The following GYPE variants were observed in gnomAD, a reference collection of about 807,000 sequenced individuals.
The protein encoded by GYPE is glycophorin-E.
GYPE carries 8 observed loss-of-function variants against 11.6 expected under a neutral mutation model. The ratio of observed to expected loss-of-function variants is 0.69; its 90% CI spans 0.41 to 1.25. The LOEUF (loss-of-function observed/expected upper bound fraction) is 1.25, where lower values mean the gene tolerates loss of function less well. Ranked by LOEUF, GYPE falls within the 50% of genes most tolerant of loss-of-function variation. The probability of loss-of-function intolerance (pLI) is 0.01; values close to 1 mark genes in which losing one functional copy is unlikely to be tolerated. For missense variants in GYPE, 90 were observed against 92.8 expected, an observed-to-expected ratio of 0.97 and a Z score of 0.12; for synonymous variants, 28 against 29.6, an observed-to-expected ratio of 0.94 and a Z score of 0.18.
intron 1 of GYPE, among the ~76,000 whole-genome samples, chr4:143,897,040 G>C (rs1005629673): frequency 6.6e-6 from 1 of 152,096 alleles, no homozygotes; most frequent in African/African-American, 2.4e-5. Flanking sequence ...ATAGCATTAA[G>C]AGATATACCT....
intron 1 of GYPE, among the ~76,000 whole-genome samples, chr4:143,903,537 A>G (rs1297793821): frequency 6.7e-6 from 1 of 149,514 alleles, no homozygotes; most frequent in African/African-American, 2.5e-5. Context: ...AAAAAAAAAA[A>G]AAAAAGAAAA....
At chr4:143,902,707 G>T (rs1246575936) in intron 1 of GYPE, among the ~76,000 whole-genome samples, 1 of 151,516 alleles carries the variant, frequency 6.6e-6, no homozygotes, top group South Asian at 2.1e-4. Context: ...AATACCAATC[G>T]GGAACTGTGC....
intron 2 of GYPE, among the ~76,000 whole-genome samples, chr4:143,879,691 G>A (rs115162895): frequency 4.6e-5 from 7 of 152,124 alleles, no homozygotes; most frequent in East Asian, 1.9e-4. Flanking sequence ...TATGTGTCCC[G>A]TTTGTGCTTA....
At position 143,876,856 on chromosome 4, in the gene GYPE, C is replaced by A. The variant is rs780059090; in HGVS notation, c.137-1G>T. ...GCCCACCAATTAATGAGTGTTATCC[C>A]TACAGGAGATAAAGAGAGCGGCAAA... On this transcript the variant is annotated splice_acceptor_variant, in intron 2 of 3. Coordinates refer to ENST00000358615, the MANE Select transcript of GYPE (RefSeq NM_198682.3). LOFTEE classifies it high-confidence loss of function. 1.4e-5 allele frequency: 22 copies of A among 1,581,496 alleles called. No individual in the cohort carries two copies. The highest frequency in any genetic ancestry group is 1.9e-5 in the Non-Finnish European group (22 of 1,151,376).
chr4:143,898,012 G>A (rs892046787), intron 1 of GYPE, among the ~76,000 whole-genome samples: 2 of 152,062 alleles, frequency 1.3e-5, no homozygotes, highest in African/African-American at 4.8e-5. Flanking sequence ...CTAAATGTCA[G>A]TTGTGAATTA....
At chr4:143,882,188 C>G (rs1472504428) in intron 1 of GYPE, among the ~76,000 whole-genome samples, 3 of 152,040 alleles carry the variant, frequency 2.0e-5, no homozygotes, top group African/African-American at 7.3e-5. Context: ...AAATAGCATG[C>G]AAAACAATTA....
At chr4:143,901,429 A>T (rs944713287) in intron 1 of GYPE, among the ~76,000 whole-genome samples, 118 of 151,504 alleles carry the variant, frequency 7.8e-4, no homozygotes, top group African/African-American at 2.7e-3. Context: ...TGAGAAAAAA[A>T]AAATAAAATC....
At chr4:143,876,431 T>C (rs1743810879) in intron 3 of GYPE, among the ~76,000 whole-genome samples, 1 of 152,172 alleles carries the variant, frequency 6.6e-6, no homozygotes, top group Non-Finnish European at 1.5e-5. Context: ...ACTAATAGGG[T>C]AAATACTATA....
At chr4:143,883,856 T>C (rs112594984) in intron 1 of GYPE, among the ~76,000 whole-genome samples, 2,560 of 151,894 alleles carry the variant, frequency 0.017, 87 homozygotes, top group African/African-American at 0.059. Flanking sequence ...AAAATAAAAA[T>C]ACACAAAACA....
At chr4:143,897,401 C>T (rs1036706274) in intron 1 of GYPE, among the ~76,000 whole-genome samples, 2 of 151,856 alleles carry the variant, frequency 1.3e-5, no homozygotes, top group Non-Finnish European at 2.9e-5. Flanking sequence ...TCCAGCAGTT[C>T]AAGACTGAAG....
intron 1 of GYPE, among the ~76,000 whole-genome samples, chr4:143,887,783 G>C (rs1470819337): frequency 6.8e-6 from 1 of 147,566 alleles, no homozygotes; most frequent in African/African-American, 2.5e-5. Context: ...TGTCATATTA[G>C]TGAGGCCTCA....
At chr4:143,894,404 A>G (rs1408848385) in intron 1 of GYPE, among the ~76,000 whole-genome samples, 1 of 151,820 alleles carries the variant, frequency 6.6e-6, no homozygotes, top group Non-Finnish European at 1.5e-5. Context: ...TAGAGTTTCC[A>G]GTTTTTCTGC....
At chr4:143,900,422 A>G (rs1744815991) in intron 1 of GYPE, among the ~76,000 whole-genome samples, 1 of 115,732 alleles carries the variant, frequency 8.6e-6, no homozygotes, top group African/African-American at 3.1e-5. Flanking sequence ...ACTATGACCC[A>G]GAAATTCTAC....
chr4:143,904,310 T>A (rs1334721089), intron 1 of GYPE, among the ~76,000 whole-genome samples: 3 of 152,164 alleles, frequency 2.0e-5, no homozygotes, highest in Admixed American at 6.5e-5. Flanking sequence ...TTTTACTTTG[T>A]TTCAGGCATC....
chr4:143,898,635 T>C (rs557493350), intron 1 of GYPE, among the ~76,000 whole-genome samples: 1 of 152,266 alleles, frequency 6.6e-6, no homozygotes, highest in African/African-American at 2.4e-5. Context: ...CCAATTGTGA[T>C]AGATCAAGAA....
chr4:143,897,781 C>A lies in GYPE; in HGVS notation c.37+7690G>T, dbSNP rs1454390778. The stretch of plus-strand genomic sequence containing the variant: ...ACACCTTTATCCAGCTTATCTAGCT[C>A]CAGAAAGTCTAAGACTTTATATGTG... On this transcript the variant is annotated intron_variant, in intron 1 of 3. Coordinates refer to ENST00000358615, the MANE Select transcript of GYPE (RefSeq NM_198682.3). 1.1e-4 allele frequency among the ~76,000 whole-genome samples: 16 copies of A among 151,942 alleles called. No individual in the cohort carries two copies. The East Asian group carries it at 3.1e-3, about 30-fold the overall frequency.
chr4:143,872,520 A>G (rs1743651929), intron 3 of GYPE, among the ~76,000 whole-genome samples: 1 of 152,074 alleles, frequency 6.6e-6, no homozygotes, highest in African/African-American at 2.4e-5. Flanking sequence ...AAAAAAATAC[A>G]GGTAGAAAAT....
At chr4:143,875,685 T>TG (rs199497888) in intron 3 of GYPE, among the ~76,000 whole-genome samples, 1 of 152,024 alleles carries the variant, frequency 6.6e-6, no homozygotes, top group South Asian at 2.1e-4. Flanking sequence ...AAACCCTAAT[T>TG]GGGGCCAGGC....
intron 1 of GYPE, among the ~76,000 whole-genome samples, chr4:143,894,434 T>C (rs1225890336): frequency 6.6e-6 from 1 of 151,932 alleles, no homozygotes; most frequent in Non-Finnish European, 1.5e-5. Context: ...TCCCCATCTT[T>C]GTGGTTTTAT....
Sources: gnomAD v4.1 joint callset for allele counts (sites outside exome capture counted in the v4.1 genomes callset) on GRCh38, gnomAD v4.1.1 for gene constraint, MANE v1.5 for transcripts, NCBI Gene and HGNC (gene_info 2026-07-23, HGNC 2026-07-21) for gene names.